FARP1: variants seen among roughly 807,000 people sequenced by gnomAD.
FARP1 encodes FERM, ARHGEF and pleckstrin domain-containing protein 1.
A neutral mutation model predicts 128.8 loss-of-function variants in FARP1; 52 were observed. The ratio of observed to expected loss-of-function variants is 0.40; its 90% CI spans 0.32 to 0.51. The LOEUF (loss-of-function observed/expected upper bound fraction) is 0.51, where lower values mean the gene tolerates loss of function less well. Among genes scored for constraint, FARP1 ranks in the 20% least tolerant of loss-of-function variants. The probability of loss-of-function intolerance (pLI) is 0.45; values close to 1 mark genes in which losing one functional copy is unlikely to be tolerated. For missense variants in FARP1, 1,333 were observed against 1,367.9 expected, an observed-to-expected ratio of 0.97 and a Z score of 0.40; for synonymous variants, 580 against 551.8, an observed-to-expected ratio of 1.05 and a Z score of -0.72.
At chr13:98,251,420 C>A (rs1050808642) in intron 2 of FARP1, among the ~76,000 whole-genome samples, 1 of 152,130 alleles carries the variant, frequency 6.6e-6, no homozygotes, top group African/African-American at 2.4e-5. Context: ...GGTATTCTTA[C>A]GCCTGTAATC....
Position 98,453,494 on chromosome 13 carries a change from T to TA in FARP1, c.*5178dup, listed in dbSNP as rs1161212759. ...AACGGGAAATCATATCCCTTTTACT[T>TA]ACGATCAATTGTCAAAAAGTGAACA... On this transcript the variant is annotated 3_prime_UTR_variant, in exon 27 of 27. Transcript: ENST00000319562. 2.3e-5 allele frequency: 9 copies of TA among 393,418 alleles called. No homozygotes were observed. In the Admixed American group the frequency reaches 3.0e-4, roughly 13 times the overall value. 24.4% of individuals were successfully genotyped at this position (393,418 alleles called of 1,614,324 possible). A position where few individuals can be genotyped will look rare whatever the true frequency, so the allele number is the denominator to read the frequency against.
At chr13:98,177,590 T>A (rs1878181280) in intron 1 of FARP1, among the ~76,000 whole-genome samples, 1 of 151,084 alleles carries the variant, frequency 6.6e-6, no homozygotes, top group South Asian at 2.1e-4. Flanking sequence ...GAGGTTGTAG[T>A]GAGCCGAGAT....
At chr13:98,438,923 G>A (rs1211024238) in intron 20 of FARP1, 51 bp downstream of exon 20, 3 of 1,590,494 alleles carry the variant, frequency 1.9e-6, no homozygotes, top group Non-Finnish European at 2.6e-6. Flanking sequence ...ACCTGGGCAA[G>A]CAAGGCTCCC....
chr13:98,163,513 A>AAAATC (rs1296718750), intron 1 of FARP1, among the ~76,000 whole-genome samples: 1 of 151,794 alleles, frequency 6.6e-6, no homozygotes. Context: ...GCCATTTAGG[A>AAAATC]AAATCAAATC....
intron 5 of FARP1, among the ~76,000 whole-genome samples, chr13:98,377,378 A>C (rs550674355): frequency 7.7e-4 from 91 of 117,948 alleles, no homozygotes; most frequent in Middle Eastern, 4.2e-3. Flanking sequence ...ACACCACAAA[A>C]AAAAAAAAAA....
intron 2 of FARP1, among the ~76,000 whole-genome samples, chr13:98,273,097 G>T (rs1024540830): frequency 6.6e-6 from 1 of 152,194 alleles, no homozygotes; most frequent in Non-Finnish European, 1.5e-5. Flanking sequence ...GTGAAGACAT[G>T]AATCAATACA....
intron 2 of FARP1, among the ~76,000 whole-genome samples, chr13:98,308,137 T>C (rs978116276): frequency 1.3e-5 from 2 of 151,200 alleles, no homozygotes; most frequent in African/African-American, 4.9e-5. Context: ...TTTCCTCCTG[T>C]GGCTCCACAG....
At chr13:98,443,355 CCTT>C (rs1456427025) in intron 24 of FARP1, among the ~76,000 whole-genome samples, 2 of 152,210 alleles carry the variant, frequency 1.3e-5, no homozygotes, top group Non-Finnish European at 2.9e-5. Flanking sequence ...AGATGTCCCT[CCTT>C]GCCAGAAAGC....
chr13:98,224,643 C>T (rs1881648028), intron 2 of FARP1, among the ~76,000 whole-genome samples: 1 of 152,076 alleles, frequency 6.6e-6, no homozygotes, highest in Non-Finnish European at 1.5e-5. Flanking sequence ...TCTTGACTAC[C>T]CATCCCTTGC....
At chr13:98,153,656 C>T (rs137963333) in intron 1 of FARP1, among the ~76,000 whole-genome samples, 2,302 of 147,950 alleles carry the variant, frequency 0.016, 38 homozygotes, top group Middle Eastern at 0.061. Context: ...CTCCGACTCC[C>T]GGGTTCAAGT....
At chr13:98,425,669 G>A (rs1443765112) in intron 17 of FARP1, among the ~76,000 whole-genome samples, 1 of 152,062 alleles carries the variant, frequency 6.6e-6, no homozygotes, top group Non-Finnish European at 1.5e-5. Context: ...GGGATTATAG[G>A]CATGAGCCAT....
chr13:98,177,236 T>A (rs1878147983), intron 1 of FARP1: 1 of 1,546,652 alleles, frequency 6.5e-7, no homozygotes, highest in Non-Finnish European at 8.7e-7. Context: ...GGCGCTGCCA[T>A]GTTTGAGTCT....
chr13:98,368,319 T>A, intron 5 of FARP1, 124 bp downstream of exon 5: 1 of 701,080 alleles, frequency 1.4e-6, no homozygotes, highest in African/African-American at 1.8e-5. Context: ...TGTTCTGTAC[T>A]GAACAGTTTA....
At chr13:98,220,150 C>T (rs542931153) in intron 2 of FARP1, among the ~76,000 whole-genome samples, 70 of 151,966 alleles carry the variant, frequency 4.6e-4, no homozygotes, top group Non-Finnish European at 9.4e-4. Flanking sequence ...GGTTCCGACT[C>T]TCCTGGAATG....
At chr13:98,313,242 T>TACAAAC (rs1555336571) in intron 2 of FARP1, among the ~76,000 whole-genome samples, 2 of 119,958 alleles carry the variant, frequency 1.7e-5, no homozygotes, top group Non-Finnish European at 3.4e-5. Flanking sequence ...TGGGTCATAA[T>TACAAAC]ACACACACAC....
chr13:98,342,192 T>C (rs1888001294), intron 2 of FARP1, among the ~76,000 whole-genome samples: 1 of 152,162 alleles, frequency 6.6e-6, no homozygotes, highest in East Asian at 1.9e-4. Flanking sequence ...GTCATATTTG[T>C]GGACAAGGAG....
upstream of FARP1, chr13:98,143,048 C>T (rs1456233675): frequency 3.4e-5 from 5 of 148,164 alleles, no homozygotes; most frequent in Non-Finnish European, 7.5e-5. Flanking sequence ...GCCCGCCTCC[C>T]CCCGCCGAGG....
At chr13:98,232,928 T>C (rs760052084) in intron 2 of FARP1, among the ~76,000 whole-genome samples, 1 of 152,226 alleles carries the variant, frequency 6.6e-6, no homozygotes, top group Non-Finnish European at 1.5e-5. Context: ...AGGCCTTTCA[T>C]GGTATCTGTT....
At chr13:98,223,168 G>A (rs1464436251) in intron 2 of FARP1, among the ~76,000 whole-genome samples, 1 of 152,222 alleles carries the variant, frequency 6.6e-6, no homozygotes, top group Non-Finnish European at 1.5e-5. Context: ...AGGAGTGGGA[G>A]AGCACCTGCA....
Sources: gnomAD v4.1 joint callset for allele counts (sites outside exome capture counted in the v4.1 genomes callset) on GRCh38, gnomAD v4.1.1 for gene constraint, MANE v1.5 for transcripts, NCBI Gene and HGNC (gene_info 2026-07-23, HGNC 2026-07-21) for gene names.